MYO1C: variants seen among roughly 807,000 people sequenced by gnomAD.
The protein encoded by MYO1C is myosin IC, also known as unconventional myosin-Ic.
In MYO1C, 104 loss-of-function variants were observed where a neutral mutation model predicts 150.8. The ratio of observed to expected loss-of-function variants is 0.69; its 90% CI spans 0.59 to 0.81. The LOEUF is 0.81. MYO1C is among the 30% of genes least tolerant of loss of function. The pLI, the probability that MYO1C is intolerant of heterozygous loss-of-function variation, is 0.00. For synonymous variants in MYO1C, 663 were observed against 579.9 expected (o/e 1.14, Z -2.06); for missense variants, 1,504 against 1,435.0 (o/e 1.05, Z -0.78).
chr17:1,485,866 C>T (rs2074646051), intron 1 of MYO1C: 1 of 280,688 alleles, frequency 3.6e-6, no homozygotes, highest in Non-Finnish European at 5.4e-6. Flanking sequence ...CCCCCGCCTC[C>T]CGCGCGGCCG....
intron 1 of MYO1C, 44 bp from the exon 2 acceptor site, chr17:1,484,347 C>G (rs202002971): frequency 2.5e-6 from 4 of 1,599,612 alleles, no homozygotes; most frequent in Non-Finnish European, 3.4e-6. Flanking sequence ...TCATCGGGGG[C>G]GGGGCAAGGC....
rs776661712 is a variant in MYO1C at position 1,467,988 on chromosome 17, C to G, written c.2896G>C (p.Gly966Arg). Reference sequence around the variant, plus strand: ...CCTGCAGCCCTGGACCCTGGCTGACCGGTCAGGTTGGCGTAATCAATCCTC... The same window carrying G: ...CCTGCAGCCCTGGACCCTGGCTGACGGGTCAGGTTGGCGTAATCAATCCTC... ...KQRIDYANLT[G>R]ISVSSLSDSL... Residue 966 changes from glycine to arginine, a missense_variant and splice_region_variant, in exon 28 of 32, where the codon GGA becomes CGA. Physicochemically the swap from Gly to Arg is moderately radical, Grantham distance 125 (BLOSUM62 -2). Transcript: ENST00000648651. 9 of 1,612,776 alleles carry G rather than the reference C, an allele frequency of 5.6e-6. No individual in the cohort carries two copies. The highest frequency in any genetic ancestry group is 6.8e-6 in the Non-Finnish European group (8 of 1,179,858).
chr17:1,470,569 C>T (rs1371113173), intron 22 of MYO1C, 50 bp from the exon 23 acceptor site: 2 of 1,566,740 alleles, frequency 1.3e-6, no homozygotes, highest in South Asian at 1.2e-5. Flanking sequence ...ACCATGGTGG[C>T]CCCCCCTGGC....
chr17:1,484,822 G>A (rs1028135694), intron 1 of MYO1C, among the ~76,000 whole-genome samples: 8 of 152,280 alleles, frequency 5.3e-5, no homozygotes, highest in African/African-American at 1.7e-4. Flanking sequence ...CAGGTGCTTT[G>A]GAGGACAAAT....
intron 6 of MYO1C, 36 bp downstream of exon 6, chr17:1,480,670 C>T (rs752909646): frequency 6.2e-7 from 1 of 1,614,056 alleles, no homozygotes; most frequent in Non-Finnish European, 8.5e-7. Flanking sequence ...GCACCAGATC[C>T]CTGGGTGGCA....
At chr17:1,475,103 C>T (rs1462164450) in intron 14 of MYO1C, 71 bp from the exon 15 acceptor site, 13 of 1,485,282 alleles carry the variant, frequency 8.8e-6, no homozygotes, top group African/African-American at 1.4e-5. Context: ...CTGAAAGGGC[C>T]TCAGGAGCAG....
chr17:1,481,613 G>GC (rs142192419), intron 5 of MYO1C, among the ~76,000 whole-genome samples: 3,594 of 152,082 alleles, frequency 0.024, 133 homozygotes, highest in African/African-American at 0.081. Flanking sequence ...CAATTCTCCT[G>GC]CCTCAGCCTC....
rs2074744962 is a variant in MYO1C at position 1,492,352 on chromosome 17, G to T, written c.75+61C>A. On this transcript the variant is annotated intron_variant, in intron 1 of 31. Transcript: ENST00000648651. Reference sequence around the variant, plus strand: ...CTTGCCCGAGGGCTCGCCTGAGAGGGGCTGCCCGGCCTTGGGGAGACGCTC... The same window carrying T: ...CTTGCCCGAGGGCTCGCCTGAGAGGTGCTGCCCGGCCTTGGGGAGACGCTC... 2.6e-6 allele frequency: 4 copies of T among 1,522,944 alleles called. No homozygotes were observed. The South Asian group carries it at 3.6e-5, about 14-fold the overall frequency. 94.3% of individuals were successfully genotyped at this position (1,522,944 alleles called of 1,614,324 possible). A position where few individuals can be genotyped will look rare whatever the true frequency, so the allele number is the denominator to read the frequency against.
chr17:1,491,714 C>G (rs980503182), intron 1 of MYO1C: 126 of 922,656 alleles, frequency 1.4e-4, no homozygotes, highest in Non-Finnish European at 1.6e-4. Context: ...GGGCCGCAGC[C>G]TGTCGTCATC....
At chr17:1,484,389 A>T in intron 1 of MYO1C, 86 bp from the exon 2 acceptor site, 1 of 1,528,018 alleles carries the variant, frequency 6.5e-7, no homozygotes, top group Non-Finnish European at 8.9e-7. Flanking sequence ...CTGAGAGGGA[A>T]CGTAGGGGCT....
At chr17:1,484,435 A>T (rs1198200015) in intron 1 of MYO1C, 132 bp from the exon 2 acceptor site, 16 of 1,151,032 alleles carry the variant, frequency 1.4e-5, no homozygotes, top group Non-Finnish European at 1.9e-5. Flanking sequence ...CATGAGCATG[A>T]CGGGTGCGGG....
At position 1,477,732 on chromosome 17, in the gene MYO1C, TG is replaced by T. The variant is rs2074428898; in HGVS notation, c.1483-137del. On this transcript the variant is annotated intron_variant, in intron 13 of 31. Transcript: ENST00000648651. ...GGAGTCTCCACAGAGAGCTTCCAACTGGGGCGGCACCTCCCTCCATCCTCCA... is the reference window on the plus strand; with the variant it reads ...GGAGTCTCCACAGAGAGCTTCCAACTGGGCGGCACCTCCCTCCATCCTCCA... 5.4e-5 allele frequency: 54 copies of T among 992,098 alleles called. No individual in the cohort carries two copies. The South Asian group carries it at 6.8e-4, about 13-fold the overall frequency. The allele number at this position is 992,098 out of a possible 1,614,324, so 61.5% of individuals were successfully genotyped here.
At position 1,470,495 on chromosome 17, in the gene MYO1C, C is replaced by T. The variant is rs758716824; in HGVS notation, c.2306G>A (p.Arg769His). The T allele has an allele frequency of 2.9e-5, 45 of 1,551,676 alleles. No individual in the cohort carries two copies. The highest frequency in any genetic ancestry group is 3.4e-5 in the Non-Finnish European group (39 of 1,147,468). The change falls in exon 23 of 32, where the codon CGT becomes CAT. Residue 769 changes from arginine to histidine, a missense_variant. Arg to His is a conservative substitution (Grantham distance 29, BLOSUM62 0). Coordinates refer to ENST00000648651, the MANE Select transcript of MYO1C (RefSeq NM_001080779.2). ...RSAICIQSWW[R>H]GTLGRRKAAK... ...TGCCTTCCTCCGGCCCAGTGTTCCA[C>T]GCCACCACGACTGGATGCAGATGGC... is the stretch of plus-strand genomic sequence containing the variant.
rs111532225 is a variant in MYO1C, at chr17:1,485,679, C to T, written c.76-1376G>A. The T allele has an allele frequency of 0.13, 158,979 of 1,207,748 alleles. 11,351 individuals carry two copies. The highest frequency in any genetic ancestry group is 0.23 in the African/African-American group (14,818 of 63,072). 74.8% of individuals were successfully genotyped at this position (1,207,748 alleles called of 1,614,324 possible). A position where few individuals can be genotyped will look rare whatever the true frequency, so the allele number is the denominator to read the frequency against. On this transcript the variant is annotated intron_variant, in intron 1 of 31. Transcript: ENST00000648651. ...CCCGGGACCCCCCGCCCTGCCCCGC[C>T]GCCCCCAGGCTCACCGACGCCCGGT...
intron 25 of MYO1C, chr17:1,469,002 A>G (rs775340203): frequency 3.5e-6 from 1 of 284,696 alleles, no homozygotes; most frequent in East Asian, 9.0e-5. Flanking sequence ...TTGGCCCACG[A>G]TATGAACCCT....
At chr17:1,473,116 C>T (rs960716671) in intron 17 of MYO1C, among the ~76,000 whole-genome samples, 5 of 152,198 alleles carry the variant, frequency 3.3e-5, no homozygotes, top group Non-Finnish European at 7.3e-5. Flanking sequence ...GGGAGAATGG[C>T]GTGAGCCCAG....
intron 1 of MYO1C, among the ~76,000 whole-genome samples, chr17:1,486,404 C>A (rs906536666): frequency 2.2e-4 from 33 of 152,174 alleles, no homozygotes; most frequent in Non-Finnish European, 4.3e-4. Context: ...GCTCAGTTCC[C>A]CCTCTGGGAA....
chr17:1,484,301 G>A lies in MYO1C; in HGVS notation c.78C>T (p.Ala26=), dbSNP rs1475993945. 1 of 1,609,350 alleles carries A rather than the reference G, an allele frequency of 6.2e-7. No individual in the cohort carries two copies. The highest frequency in any genetic ancestry group is 1.3e-5 in the African/African-American group (1 of 74,926). ...VVHPHRPCKL[A]LGSDGVRVTM... ...TCACCCGAACCCCGTCACTGCCCAG[G>A]GCCTGCAGAGAATGGGCCACAGAAG... Residue 26 remains alanine, a splice_region_variant and synonymous_variant, in exon 2 of 32, where the codon GCC becomes GCT. Transcript: ENST00000648651.
Position 1,467,800 on chromosome 17 carries a change from C to A in MYO1C, c.2967+40G>T, listed in dbSNP as rs758915320. Reference sequence around the variant, plus strand: ...TCCACCCCACCTCCCCATCTACCTCCCCCATCCCCCACCACTCCTCCCCAT... The same window carrying A: ...TCCACCCCACCTCCCCATCTACCTCACCCATCCCCCACCACTCCTCCCCAT... On this transcript the variant is annotated intron_variant, in intron 29 of 31. Coordinates refer to ENST00000648651, the MANE Select transcript of MYO1C (RefSeq NM_001080779.2). 7 of 934,818 alleles carry A rather than the reference C, an allele frequency of 7.5e-6. 1 individual carries two copies. Among genetic ancestry groups the A allele is most frequent in the African/African-American group, 1.9e-5 (1 of 51,550 alleles). The allele number at this position is 934,818 out of a possible 1,614,324, so 57.9% of individuals were successfully genotyped here.
Sources: gnomAD v4.1 joint callset for allele counts (sites outside exome capture counted in the v4.1 genomes callset) on GRCh38, gnomAD v4.1.1 for gene constraint, MANE v1.5 for transcripts, NCBI Gene and HGNC (gene_info 2026-07-23, HGNC 2026-07-21) for gene names.